TRAPPC8: variants seen among roughly 807,000 people sequenced by gnomAD.
The protein encoded by TRAPPC8 is trafficking protein particle complex subunit 8.
A neutral mutation model predicts 174.3 loss-of-function variants in TRAPPC8; 54 were observed. That is an observed-to-expected ratio of 0.31 (90% confidence interval 0.25 to 0.39). The LOEUF (loss-of-function observed/expected upper bound fraction) is 0.39, where lower values mean the gene tolerates loss of function less well. TRAPPC8 is among the 10% of genes least tolerant of loss of function. The pLI is 1.00. For missense variants in TRAPPC8, 1,531 were observed against 1,699.1 expected (o/e 0.90, Z 1.74); for synonymous variants, 630 against 579.9 (o/e 1.09, Z -1.24).
intron 12 of TRAPPC8, among the ~76,000 whole-genome samples, chr18:31,882,421 A>G (rs534046758): frequency 6.6e-6 from 1 of 152,190 alleles, no homozygotes; most frequent in South Asian, 2.1e-4. Context: ...ACGGACATAA[A>G]GAGGAAATAA....
At chr18:31,852,882 T>A (rs544042663) in intron 22 of TRAPPC8, 103 of 482,550 alleles carry the variant, frequency 2.1e-4, no homozygotes, top group African/African-American at 1.7e-3. Context: ...CACATGTATA[T>A]ATATATATGT....
At chr18:31,891,506 A>G (rs2035953698) in intron 11 of TRAPPC8, among the ~76,000 whole-genome samples, 1 of 152,226 alleles carries the variant, frequency 6.6e-6, no homozygotes, top group African/African-American at 2.4e-5. Flanking sequence ...TTCCACTTCA[A>G]CTGAATCTTA....
At chr18:31,835,482 T>C (rs1038114574) in intron 27 of TRAPPC8, among the ~76,000 whole-genome samples, 3 of 152,232 alleles carry the variant, frequency 2.0e-5, no homozygotes, top group Non-Finnish European at 4.4e-5. Flanking sequence ...TTCAGTACTA[T>C]TCAAAACTCA....
At chr18:31,861,695 G>A (rs1186658104) in intron 19 of TRAPPC8, among the ~76,000 whole-genome samples, 1 of 152,076 alleles carries the variant, frequency 6.6e-6, no homozygotes, top group Non-Finnish European at 1.5e-5. Context: ...GCAGCACTTT[G>A]GGAAGCAGAG....
chr18:31,879,265 A>G (rs909162833), intron 12 of TRAPPC8, among the ~76,000 whole-genome samples: 10 of 152,202 alleles, frequency 6.6e-5, no homozygotes, highest in African/African-American at 1.9e-4. Context: ...AGTCAAAATC[A>G]TATCAAGGAT....
At chr18:31,941,300 G>A (rs1326679540) in intron 1 of TRAPPC8, among the ~76,000 whole-genome samples, 1 of 152,088 alleles carries the variant, frequency 6.6e-6, no homozygotes, top group Non-Finnish European at 1.5e-5. Flanking sequence ...AAAATTATCC[G>A]AGTATGGTGG....
At chr18:31,910,416 T>G (rs1484402095) in intron 5 of TRAPPC8, among the ~76,000 whole-genome samples, 1 of 152,180 alleles carries the variant, frequency 6.6e-6, no homozygotes, top group East Asian at 1.9e-4. Context: ...CAAGAAAGTC[T>G]GAAGCCACTC....
chr18:31,905,876 C>T (rs1042258525), intron 9 of TRAPPC8, among the ~76,000 whole-genome samples: 1 of 152,004 alleles, frequency 6.6e-6, no homozygotes, highest in Admixed American at 6.6e-5. Flanking sequence ...CTTGCAGGTA[C>T]ATTAAATAAA....
chr18:31,884,474 T>C (rs150205200), intron 12 of TRAPPC8, among the ~76,000 whole-genome samples: 1 of 152,198 alleles, frequency 6.6e-6, no homozygotes, highest in Non-Finnish European at 1.5e-5. Flanking sequence ...GTGATAGAGT[T>C]TGGTATTCTT....
At position 31,839,440 on chromosome 18, in the gene TRAPPC8, T is replaced by C. The variant is rs1490462769; in HGVS notation, c.3855A>G (p.Glu1285=). ...YPQKQEPPEM[E]LLKFFRPENI... is the part of the protein sequence containing the mutation. ...TTTCTGGCCTGAAAAATTTCAATAGTTCCATTTCTGGTGGCTCCTGAGAAA... is the reference window on the plus strand; with the variant it reads ...TTTCTGGCCTGAAAAATTTCAATAGCTCCATTTCTGGTGGCTCCTGAGAAA... Residue 1285 remains glutamate (E), a synonymous_variant, in exon 27 of 29, where the codon GAA becomes GAG. Coordinates refer to ENST00000283351, the MANE Select transcript of TRAPPC8 (RefSeq NM_014939.5). 1.8e-5 allele frequency: 29 copies of C among 1,599,292 alleles called. No individual in the cohort carries two copies. The highest frequency in any genetic ancestry group is 1.2e-4 in the Admixed American group (7 of 57,036).
At chr18:31,904,352 C>T (rs1320438056) in intron 9 of TRAPPC8, among the ~76,000 whole-genome samples, 1 of 152,036 alleles carries the variant, frequency 6.6e-6, no homozygotes, top group African/African-American at 2.4e-5. Context: ...GAGTTCGAGA[C>T]CAGCCTGACC....
At chr18:31,908,553 A>G in intron 7 of TRAPPC8, 135 bp from the exon 8 acceptor site, 1 of 855,384 alleles carries the variant, frequency 1.2e-6, no homozygotes, top group Non-Finnish European at 1.7e-6. Flanking sequence ...ACTGTCCAAT[A>G]TGCTGGCAAA....
intron 26 of TRAPPC8, among the ~76,000 whole-genome samples, chr18:31,841,358 T>C (rs2033088552): frequency 6.6e-6 from 1 of 152,114 alleles, no homozygotes. Context: ...AATTACTACT[T>C]TTATAATAAA....
At chr18:31,842,462 C>T (rs183089302) in intron 26 of TRAPPC8, among the ~76,000 whole-genome samples, 1 of 152,304 alleles carries the variant, frequency 6.6e-6, no homozygotes. Flanking sequence ...CGACTGGCAT[C>T]AGGCTGATCA....
chr18:31,845,729 T>C (rs903590859), intron 26 of TRAPPC8, among the ~76,000 whole-genome samples: 1 of 152,124 alleles, frequency 6.6e-6, no homozygotes, highest in Non-Finnish European at 1.5e-5. Context: ...TATTTCATAA[T>C]AAAAAGTTGT....
At chr18:31,908,123 A>G (rs528919603) in intron 8 of TRAPPC8, among the ~76,000 whole-genome samples, 180 bp downstream of exon 8, 28 of 152,310 alleles carry the variant, frequency 1.8e-4, no homozygotes, top group African/African-American at 6.3e-4. Flanking sequence ...TTAGATGTCC[A>G]ATTACTTAGT....
At chr18:31,884,099 G>T (rs2035588426) in intron 12 of TRAPPC8, among the ~76,000 whole-genome samples, 1 of 152,182 alleles carries the variant, frequency 6.6e-6, no homozygotes, top group Non-Finnish European at 1.5e-5. Context: ...TGAGGCAGAA[G>T]AATCGCTTGA....
intron 4 of TRAPPC8, among the ~76,000 whole-genome samples, chr18:31,915,234 C>T (rs1199564941): frequency 6.6e-6 from 1 of 152,082 alleles, no homozygotes; most frequent in Non-Finnish European, 1.5e-5. Context: ...TTTGGGAGGC[C>T]AAGGCGGGCA....
intron 25 of TRAPPC8, among the ~76,000 whole-genome samples, chr18:31,847,126 A>G (rs2033450895): frequency 6.6e-6 from 1 of 152,246 alleles, no homozygotes; most frequent in Non-Finnish European, 1.5e-5. Context: ...CTATAACACA[A>G]GCTGTTTTCT....
Sources: allele counts gnomAD v4.1 joint callset (sites outside exome capture counted in the v4.1 genomes callset), GRCh38; gene constraint gnomAD v4.1.1; transcripts MANE v1.5; gene names NCBI Gene and HGNC (gene_info 2026-07-23, HGNC 2026-07-21).